The following DOCK5 variants were observed in gnomAD, a reference collection of about 807,000 sequenced individuals.
The protein encoded by DOCK5 is dedicator of cytokinesis protein 5.
Under a neutral mutation model 251.8 loss-of-function variants are expected in DOCK5, and 142 were observed. The ratio of observed to expected loss-of-function variants is 0.56; its 90% CI spans 0.49 to 0.65. The LOEUF (loss-of-function observed/expected upper bound fraction) is 0.65. Ranked by LOEUF, DOCK5 falls within the 30% of genes least tolerant of loss-of-function variation. The pLI is 0.00. For synonymous variants in DOCK5, 842 were observed against 835.5 expected, an observed-to-expected ratio of 1.01 and a Z score of -0.13; for missense variants, 2,111 against 2,312.3, an observed-to-expected ratio of 0.91 and a Z score of 1.79.
chr8:25,240,598 A>G (rs1396463636), intron 1 of DOCK5, among the ~76,000 whole-genome samples: 2 of 152,166 alleles, frequency 1.3e-5, no homozygotes, highest in African/African-American at 2.4e-5. Context: ...CTTTAGTGTA[A>G]TGTTTTGAGG....
chr8:25,323,189 T>G (rs1203044194), intron 16 of DOCK5, among the ~76,000 whole-genome samples: 1 of 152,086 alleles, frequency 6.6e-6, no homozygotes, highest in Non-Finnish European at 1.5e-5. Context: ...TGCACCCTCC[T>G]CCCAGCTGCC....
chr8:25,366,917 G>A lies in DOCK5; in HGVS notation c.3171G>A (p.Glu1057=). 6.2e-7 allele frequency: 1 copy of A among 1,613,818 alleles called. No individual in the cohort carries two copies. Among genetic ancestry groups the A allele is most frequent in the Non-Finnish European group, 8.5e-7 (1 of 1,179,814 alleles). ...FHLAVAFLTH[E]SLQLETFSQA... ...TGGCAGTTGCATTTCTCACCCATGA[G>A]TCCCTTCAGCTTGAAACCTTCTCAC... Residue 1057 remains glutamate (E), a synonymous_variant, in exon 31 of 52, where the codon GAG becomes GAA. Coordinates refer to ENST00000276440, the MANE Select transcript of DOCK5 (RefSeq NM_024940.8).
intron 26 of DOCK5, 73 bp downstream of exon 26, chr8:25,345,684 G>C (rs1474791987): frequency 6.4e-7 from 1 of 1,569,514 alleles, no homozygotes; most frequent in Non-Finnish European, 8.7e-7. Context: ...GTGACTCCGT[G>C]GCCTTCCTAT....
rs764299920 is a variant in DOCK5, at chr8:25,325,380, T to C, written c.1736T>C (p.Met579Thr). ...TCCTTTTAGGGTGACAACAAAAAAA[T>C]GGAAGATGCTAAATTCTACCTGACC... ...LVVYKGDNKK[M>T]EDAKFYLTLP... The change falls in exon 18 of 52, where the codon ATG (methionine) becomes ACG (threonine). Residue 579 changes from methionine (M) to threonine (T), a missense_variant. Transcript: ENST00000276440. The C allele has an allele frequency of 2.5e-6, 4 of 1,613,448 alleles. No homozygotes were observed. In the African/African-American group the frequency reaches 4.0e-5, roughly 16 times the overall value.
chr8:25,331,797 T>TAG (rs1284946363), intron 18 of DOCK5, among the ~76,000 whole-genome samples: 8 of 40,078 alleles, frequency 2.0e-4, no homozygotes, highest in African/African-American at 4.4e-4. Context: ...TATATATATA[T>TAG]ATATAGAGAG....
intron 1 of DOCK5, among the ~76,000 whole-genome samples, chr8:25,208,280 A>T (rs1233209048): frequency 6.6e-6 from 1 of 152,226 alleles, no homozygotes; most frequent in South Asian, 2.1e-4. Flanking sequence ...TAATCCATAA[A>T]CTTGTTGACA....
chr8:25,391,047 A>C (rs1280998247), intron 42 of DOCK5, among the ~76,000 whole-genome samples: 2 of 151,842 alleles, frequency 1.3e-5, no homozygotes, highest in Admixed American at 1.3e-4. Context: ...GAGCTCAGGC[A>C]ATCCGCCCAC....
chr8:25,352,988 G>A (rs1349614099), intron 27 of DOCK5, among the ~76,000 whole-genome samples: 1 of 152,152 alleles, frequency 6.6e-6, no homozygotes, highest in Non-Finnish European at 1.5e-5. Context: ...TCCAGGGAGA[G>A]GCCACAGCCA....
intron 1 of DOCK5, among the ~76,000 whole-genome samples, chr8:25,195,678 A>T (rs957949681): frequency 1.3e-5 from 2 of 152,202 alleles, no homozygotes; most frequent in Non-Finnish European, 2.9e-5. Flanking sequence ...CTTCCTTCAA[A>T]TAATCCCTGC....
chr8:25,199,985 G>C (rs951701981), intron 1 of DOCK5, among the ~76,000 whole-genome samples: 1 of 152,170 alleles, frequency 6.6e-6, no homozygotes, highest in Non-Finnish European at 1.5e-5. Flanking sequence ...ACATTTTGCA[G>C]AATACTGAGG....
chr8:25,408,299 A>G (rs1361362631), intron 49 of DOCK5, 145 bp downstream of exon 49: 1 of 863,652 alleles, frequency 1.2e-6, no homozygotes, highest in African/African-American at 1.7e-5. Flanking sequence ...GTCAGGTCGC[A>G]GATTGTGGTA....
intron 8 of DOCK5, among the ~76,000 whole-genome samples, chr8:25,300,152 C>T (rs545222983): frequency 3.9e-5 from 6 of 152,252 alleles, no homozygotes; most frequent in African/African-American, 9.6e-5. Flanking sequence ...GCGATCCGCC[C>T]GCCTTGACCT....
chr8:25,301,592 C>A (rs939334522), intron 9 of DOCK5, among the ~76,000 whole-genome samples: 4 of 151,562 alleles, frequency 2.6e-5, no homozygotes, highest in African/African-American at 9.7e-5. Flanking sequence ...TGGCTGGGCG[C>A]GGTGGCTCAT....
intron 1 of DOCK5, among the ~76,000 whole-genome samples, chr8:25,192,467 C>T (rs894642588): frequency 1.2e-4 from 18 of 152,204 alleles, no homozygotes; most frequent in Admixed American, 2.0e-4. Flanking sequence ...TGTGTAGCAG[C>T]TTCAGGGCTA....
At chr8:25,318,091 CTGT>C (rs1212572062) in intron 14 of DOCK5, among the ~76,000 whole-genome samples, 6 of 151,350 alleles carry the variant, frequency 4.0e-5, no homozygotes, top group Non-Finnish European at 7.4e-5. Flanking sequence ...TCTTTTGTTG[CTGT>C]TGTTGTTGTT....
intron 6 of DOCK5, among the ~76,000 whole-genome samples, chr8:25,295,419 C>T (rs1393576728): frequency 6.6e-5 from 10 of 151,840 alleles, no homozygotes; most frequent in Admixed American, 6.6e-4. Context: ...CTCACAACAA[C>T]CTTGAAGGGT....
intron 36 of DOCK5, 52 bp from the exon 37 acceptor site, chr8:25,374,512 A>C: frequency 1.3e-6 from 2 of 1,535,316 alleles, no homozygotes; most frequent in South Asian, 2.3e-5. Context: ...AGAACTAAAA[A>C]ACCTATAAAA....
chr8:25,344,082 A>G (rs928275106), intron 25 of DOCK5, among the ~76,000 whole-genome samples: 1 of 152,150 alleles, frequency 6.6e-6, no homozygotes, highest in Non-Finnish European at 1.5e-5. Context: ...TGCTGGGATT[A>G]TAGGCATGAG....
In DOCK5 at chr8:25,411,500, G is replaced by A. The variant is rs951139747; in HGVS notation, c.*202G>A. ...TTGAGGCCATGCCACCTCCCTTCCA[G>A]TCCACATGGAATTCCAGAATCAGTC... On this transcript the variant is annotated 3_prime_UTR_variant, in exon 52 of 52. Coordinates refer to ENST00000276440, the MANE Select transcript of DOCK5 (RefSeq NM_024940.8). 3.2e-6 allele frequency: 2 copies of A among 618,372 alleles called. No individual in the cohort carries two copies. The highest frequency in any genetic ancestry group is 3.8e-5 in the African/African-American group (2 of 52,014). The allele number at this position is 618,372 out of a possible 1,614,324, so 38.3% of individuals were successfully genotyped here.
Sources: gnomAD v4.1 joint callset for allele counts (sites outside exome capture counted in the v4.1 genomes callset) on GRCh38, gnomAD v4.1.1 for gene constraint, MANE v1.5 for transcripts, NCBI Gene and HGNC (gene_info 2026-07-23, HGNC 2026-07-21) for gene names.